Variants in CACNA1H observed in about 807,000 individuals in gnomAD.
The protein encoded by CACNA1H is calcium voltage-gated channel subunit alpha1 H.
In CACNA1H, 149 loss-of-function variants were observed where a neutral mutation model predicts 192.5. That is an observed-to-expected ratio of 0.77 (90% CI 0.68 to 0.89). The LOEUF is 0.89. CACNA1H is among the 40% of genes least tolerant of loss of function. CACNA1H has a pLI of 0.00. For missense variants in CACNA1H, 4,257 were observed against 3,423.5 expected, an observed-to-expected ratio of 1.24 and a Z score of -6.08; for synonymous variants, 2,202 against 1,475.2, an observed-to-expected ratio of 1.49 and a Z score of -11.29.
intron 18 of CACNA1H, 40 bp from the exon 19 acceptor site, chr16:1,210,330 G>GTCGCCCCCCCCCCCCCCTCCCCCCCCC: frequency 7.1e-7 from 1 of 1,407,118 alleles, no homozygotes; most frequent in Non-Finnish European, 9.7e-7. Flanking sequence ...TGCCATCCAC[G>GTCGCCCCCCCCCCCCCCTCCCCCCCCC]CCGCCCCGCC....
At chr16:1,205,689 C>T (rs935408266) in intron 11 of CACNA1H, among the ~76,000 whole-genome samples, 6 of 152,170 alleles carry the variant, frequency 3.9e-5, no homozygotes, top group African/African-American at 1.4e-4. Flanking sequence ...TGAGGGGAAA[C>T]GCCCCCGGTC....
intron 2 of CACNA1H, among the ~76,000 whole-genome samples, chr16:1,190,738 G>A (rs931682761): frequency 2.6e-5 from 4 of 152,042 alleles, no homozygotes; most frequent in Non-Finnish European, 4.4e-5. Flanking sequence ...GAGCTCTCTG[G>A]GATTGTGGGG....
intron 2 of CACNA1H, among the ~76,000 whole-genome samples, chr16:1,171,990 G>A (rs771290200): frequency 3.9e-5 from 6 of 152,344 alleles, no homozygotes; most frequent in South Asian, 4.1e-4. Flanking sequence ...TGGGGTTCGC[G>A]TGGGCCCCCC....
In CACNA1H at chr16:1,167,247, C is replaced by T. The variant is rs1963883160; in HGVS notation, c.299+13211C>T. Among the ~76,000 whole-genome samples, 2 of 152,178 alleles carry T rather than the reference C, an allele frequency of 1.3e-5. No individual in the cohort carries two copies. On this transcript the variant is annotated intron_variant, in intron 2 of 34. Transcript: ENST00000348261. The surrounding 1 kb of genome is among the most constrained non-coding windows in gnomAD (Gnocchi z 4.2). ...CGGGGGGCCTGTGGGGTATGGGCCT[C>T]CTGTCAGCAGCCCGTCCCGGTGGGT...
chr16:1,169,491 G>C (rs1964146457), intron 2 of CACNA1H, among the ~76,000 whole-genome samples: 1 of 152,232 alleles, frequency 6.6e-6, no homozygotes, highest in African/African-American at 2.4e-5. Context: ...AGCAGCAGCA[G>C]GGCTTGGCGG....
chr16:1,171,916 C>T (rs541695268), intron 2 of CACNA1H, among the ~76,000 whole-genome samples: 1 of 152,242 alleles, frequency 6.6e-6, no homozygotes, highest in South Asian at 2.1e-4. Context: ...GCAGTGTCCA[C>T]GGGTGGGGGC....
chr16:1,169,535 C>T (rs115308246), intron 2 of CACNA1H, among the ~76,000 whole-genome samples: 10,715 of 152,148 alleles, frequency 0.07, 1,140 homozygotes, highest in African/African-American at 0.23. Context: ...CCGTGGGCAG[C>T]GACCCCAAGC....
intron 2 of CACNA1H, among the ~76,000 whole-genome samples, chr16:1,156,750 C>T (rs1185232614): frequency 2.0e-5 from 3 of 151,874 alleles, no homozygotes; most frequent in Non-Finnish European, 4.4e-5. Context: ...AGCTGCTGTC[C>T]GCCGGGCCCA....
intron 31 of CACNA1H, 121 bp from the exon 32 acceptor site, chr16:1,217,798 A>G (rs1970153281): frequency 1.5e-6 from 2 of 1,322,214 alleles, no homozygotes; most frequent in East Asian, 5.2e-5. Context: ...GGGCCTCGTC[A>G]TCCACATCCT....
intron 26 of CACNA1H, 72 bp downstream of exon 26, chr16:1,212,600 G>T: frequency 6.5e-7 from 1 of 1,547,428 alleles, no homozygotes; most frequent in Non-Finnish European, 8.8e-7. Context: ...GGGCATCCCA[G>T]GCCTGCTGGG....
intron 9 of CACNA1H, among the ~76,000 whole-genome samples, chr16:1,202,959 G>A (rs1370417798): frequency 6.6e-6 from 1 of 152,106 alleles, no homozygotes; most frequent in Non-Finnish European, 1.5e-5. Context: ...CGGGGCCTGG[G>A]CCTCTGTCCA....
intron 30 of CACNA1H, 74 bp from the exon 31 acceptor site, chr16:1,216,858 C>T: frequency 8.1e-7 from 1 of 1,239,524 alleles, no homozygotes. Context: ...GGCCGAGGCG[C>T]CGAGTGCCCT....
rs995408487 is a variant in CACNA1H, at chr16:1,210,307, C to T, written c.3846-63C>T. On this transcript the variant is annotated intron_variant, in intron 18 of 34. Coordinates refer to ENST00000348261, the MANE Select transcript of CACNA1H (RefSeq NM_021098.3). ...AGGCGTGGCCAGGGCTGTCCTGCAACCCCCATCCACTCTGCCATCCACGCC... is the reference window on the plus strand; with the variant it reads ...AGGCGTGGCCAGGGCTGTCCTGCAATCCCCATCCACTCTGCCATCCACGCC... 5.7e-5 allele frequency: 80 copies of T among 1,414,472 alleles called. 1 individual carries two copies. The African/African-American group carries it at 9.8e-4, about 17-fold the overall frequency. The allele number at this position is 1,414,472 out of a possible 1,614,324, so 87.6% of individuals were successfully genotyped here.
At chr16:1,189,981 G>T (rs565187848) in intron 2 of CACNA1H, among the ~76,000 whole-genome samples, 2 of 152,248 alleles carry the variant, frequency 1.3e-5, no homozygotes, top group Non-Finnish European at 2.9e-5. Context: ...ACCTTGGTCT[G>T]TCAGAAAAGA....
chr16:1,184,563 T>C (rs547042045), intron 2 of CACNA1H, among the ~76,000 whole-genome samples: 1 of 152,380 alleles, frequency 6.6e-6, no homozygotes, highest in East Asian at 1.9e-4. Context: ...CAGGCATCCC[T>C]GCCCTCTCGT....
intron 2 of CACNA1H, among the ~76,000 whole-genome samples, chr16:1,170,802 C>T (rs932667661): frequency 1.3e-5 from 2 of 152,164 alleles, no homozygotes; most frequent in African/African-American, 4.8e-5. Context: ...CCCACTGCAC[C>T]CCTTCTTTCC....
chr16:1,207,044 A>T lies in CACNA1H; in HGVS notation c.2833A>T (p.Thr945Ser). The change falls in exon 13 of 35, where the codon ACA becomes TCA. Residue 945 changes from threonine (T) to serine (S), a missense_variant. Thr to Ser is a moderately conservative substitution (Grantham distance 58). Transcript: ENST00000348261. ...HLFGCKFSLK[T>S]DTGDTVPDRK... ...TTTCGGCTGCAAGTTCAGCCTGAAG[A>T]CAGACACCGGAGACACCGTGCCTGA... 1.9e-6 allele frequency: 3 copies of T among 1,602,022 alleles called. No individual in the cohort carries two copies. Among genetic ancestry groups the T allele is most frequent in the Non-Finnish European group, 2.6e-6 (3 of 1,174,450 alleles).
chr16:1,155,250 C>T (rs1359425353), intron 2 of CACNA1H, among the ~76,000 whole-genome samples: 1 of 152,218 alleles, frequency 6.6e-6, no homozygotes, highest in African/African-American at 2.4e-5. Flanking sequence ...CCGGCCCCGG[C>T]CAGAGGGCTG....
In CACNA1H at chr16:1,195,911, C is replaced by A; in HGVS notation, c.546-15C>A. ...GGCTCCTTGTTGAGCTGCTCCCCCT[C>A]GGCCCCGCCCCCAGCATGATGGAGT... On this transcript the variant is annotated splice_polypyrimidine_tract_variant and intron_variant, in intron 4 of 34. Transcript: ENST00000348261. 1 of 1,605,902 alleles carries A rather than the reference C, an allele frequency of 6.2e-7. No homozygotes were observed. Among genetic ancestry groups the A allele is most frequent in the Non-Finnish European group, 8.5e-7 (1 of 1,173,554 alleles).
Sources: allele counts gnomAD v4.1 joint callset (sites outside exome capture counted in the v4.1 genomes callset), GRCh38; gene constraint gnomAD v4.1.1; non-coding constraint Gnocchi (gnomAD v3.1); transcripts MANE v1.5; gene names NCBI Gene and HGNC (gene_info 2026-07-23, HGNC 2026-07-21).